NDUFA8: variants seen among roughly 807,000 people sequenced by gnomAD.
NDUFA8 encodes NADH dehydrogenase [ubiquinone] 1 alpha subcomplex subunit 8.
NDUFA8 carries 16 observed loss-of-function variants against 20.9 expected under a neutral mutation model. That is an observed-to-expected ratio of 0.77 (90% CI 0.52 to 1.16). The LOEUF (loss-of-function observed/expected upper bound fraction) is 1.16. Ranked by LOEUF, NDUFA8 falls within the 50% of genes most tolerant of loss-of-function variation. The pLI, the probability that NDUFA8 is intolerant of heterozygous loss-of-function variation, is 0.00. For missense variants in NDUFA8, 202 were observed against 216.4 expected (o/e 0.93, Z 0.42); for synonymous variants, 70 against 76.1 (o/e 0.92, Z 0.41).
At chr9:122,153,819 T>A (rs1042082060) in intron 1 of NDUFA8, among the ~76,000 whole-genome samples, 1 of 152,238 alleles carries the variant, frequency 6.6e-6, no homozygotes, top group Non-Finnish European at 1.5e-5. Flanking sequence ...AATTTAGTTA[T>A]ATGTTAAATT....
At chr9:122,135,515 C>A in the NDUFA8 span, among the ~76,000 whole-genome samples, 3 of 152,182 alleles carry the variant, frequency 2.0e-5, no homozygotes, top group Non-Finnish European at 4.4e-5. Context: ...TACCAATCAT[C>A]CAATTCACCA....
At chr9:122,138,865 T>TGGC in the NDUFA8 span, among the ~76,000 whole-genome samples, 3 of 89,384 alleles carry the variant, frequency 3.4e-5, no homozygotes, top group Admixed American at 2.8e-4. Context: ...CAAGAAGAGG[T>TGGC]GGGGGGGGGG....
the NDUFA8 span, among the ~76,000 whole-genome samples, chr9:122,138,066 A>G: frequency 6.6e-6 from 1 of 152,198 alleles, no homozygotes; most frequent in Non-Finnish European, 1.5e-5. Context: ...CAACAATCAA[A>G]TAAATAAATA....
chr9:122,143,074 A>T (rs4147661), downstream of NDUFA8, among the ~76,000 whole-genome samples: 57,720 of 152,084 alleles, frequency 0.38, 13,805 homozygotes, highest in Middle Eastern at 0.55. Context: ...GCCATGGCAG[A>T]TCACACAGTG....
At chr9:122,137,084 C>G in the NDUFA8 span, among the ~76,000 whole-genome samples, 2 of 152,066 alleles carry the variant, frequency 1.3e-5, no homozygotes, top group African/African-American at 4.8e-5. Context: ...AAATTCAGAT[C>G]GAATTTGGCC....
At chr9:122,145,998 AT>A (rs1232712228) in intron 3 of NDUFA8, among the ~76,000 whole-genome samples, 5 of 152,076 alleles carry the variant, frequency 3.3e-5, no homozygotes, top group Non-Finnish European at 1.5e-5. Context: ...AAAATACAAA[AT>A]TTAGCTGGCC....
At chr9:122,140,472 T>C (rs1422578927), downstream of NDUFA8, among the ~76,000 whole-genome samples, 1 of 152,238 alleles carries the variant, frequency 6.6e-6, no homozygotes, top group East Asian at 1.9e-4. Context: ...GTTACTCGCA[T>C]TTCTACCTAC....
intron 3 of NDUFA8, among the ~76,000 whole-genome samples, chr9:122,146,979 A>G (rs1828914081): frequency 6.6e-6 from 1 of 152,256 alleles, no homozygotes; most frequent in Non-Finnish European, 1.5e-5. Context: ...GTCAGATCAT[A>G]AAGGGCCTGC....
At chr9:122,155,043 AT>A (rs1355686502) in intron 1 of NDUFA8, among the ~76,000 whole-genome samples, 2 of 152,218 alleles carry the variant, frequency 1.3e-5, no homozygotes, top group Non-Finnish European at 2.9e-5. Context: ...AAAATTAAAA[AT>A]TGTTGTGTGA....
At chr9:122,142,272 G>A (rs1284361539), downstream of NDUFA8, among the ~76,000 whole-genome samples, 1 of 152,182 alleles carries the variant, frequency 6.6e-6, no homozygotes, top group Non-Finnish European at 1.5e-5. Context: ...ATGTATCTGG[G>A]TTTAAATCTC....
chr9:122,148,499 A>G (rs1486942575), intron 2 of NDUFA8, among the ~76,000 whole-genome samples: 1 of 152,218 alleles, frequency 6.6e-6, no homozygotes, highest in Non-Finnish European at 1.5e-5. Flanking sequence ...ATTTCTTTAT[A>G]TAGTAAGAAG....
intron 2 of NDUFA8, among the ~76,000 whole-genome samples, chr9:122,149,923 C>A (rs1828966156): frequency 6.6e-6 from 1 of 151,874 alleles, no homozygotes; most frequent in South Asian, 2.1e-4. Flanking sequence ...CGCCACAGCA[C>A]TACAGCCTGG....
At chr9:122,152,145 T>C (rs1829009190) in intron 2 of NDUFA8, 100 bp downstream of exon 2, 3 of 1,349,114 alleles carry the variant, frequency 2.2e-6, no homozygotes, top group Admixed American at 1.7e-5. Context: ...TCAAAGCCTA[T>C]GTACTTCCTA....
chr9:122,149,496 AC>A (rs1286583810), intron 2 of NDUFA8, among the ~76,000 whole-genome samples: 4 of 152,208 alleles, frequency 2.6e-5, no homozygotes, highest in African/African-American at 4.8e-5. Context: ...GGACCCTGTT[AC>A]CCATACCTAA....
chr9:122,145,391 A>G (rs1828891656), intron 3 of NDUFA8, among the ~76,000 whole-genome samples: 1 of 152,218 alleles, frequency 6.6e-6, no homozygotes, highest in African/African-American at 2.4e-5. Context: ...CTCAACTGGA[A>G]AGCCAGCAGA....
At chr9:122,133,277 A>G in the NDUFA8 span, among the ~76,000 whole-genome samples, 1 of 152,054 alleles carries the variant, frequency 6.6e-6, no homozygotes, top group Non-Finnish European at 1.5e-5. Flanking sequence ...TGCTACCTGG[A>G]ACTCCTCTCT....
At chr9:122,137,274 T>C in the NDUFA8 span, among the ~76,000 whole-genome samples, 1 of 129,020 alleles carries the variant, frequency 7.8e-6, no homozygotes, top group Non-Finnish European at 1.5e-5. Flanking sequence ...AGAGTCTCAC[T>C]CTGTCTCACC....
chr9:122,158,569 C>T (rs1564411776), intron 1 of NDUFA8, among the ~76,000 whole-genome samples: 2 of 151,736 alleles, frequency 1.3e-5, no homozygotes, highest in African/African-American at 2.4e-5. Context: ...ACTTCCAGCT[C>T]TATTACTTAC....
chr9:122,135,977 T>C, the NDUFA8 span, among the ~76,000 whole-genome samples: 5 of 152,162 alleles, frequency 3.3e-5, no homozygotes, highest in African/African-American at 1.2e-4. Context: ...GGGAGGTAAA[T>C]AGAACAGTAA....
Sources: gnomAD v4.1 joint callset for allele counts (sites outside exome capture counted in the v4.1 genomes callset) on GRCh38, gnomAD v4.1.1 for gene constraint, MANE v1.5 for transcripts, NCBI Gene and HGNC (gene_info 2026-07-23, HGNC 2026-07-21) for gene names.